Variants in KATNB1 observed in about 807,000 individuals in gnomAD.
KATNB1 encodes the protein katanin regulatory subunit B1, also known as katanin p80 WD40 repeat-containing subunit B1.
A neutral mutation model predicts 82.3 loss-of-function variants in KATNB1; 38 were observed. That is an observed-to-expected ratio of 0.46 (90% CI 0.36 to 0.61). The LOEUF is 0.61. Ranked by LOEUF, KATNB1 falls within the 20% of genes least tolerant of loss-of-function variation. KATNB1 has a pLI of 0.00. For synonymous variants in KATNB1, 361 were observed against 368.7 expected (o/e 0.98, Z 0.24); for missense variants, 749 against 915.7 (o/e 0.82, Z 2.35).
rs1041786828 is a variant in KATNB1, at chr16:57,755,794, A to C, written c.1567-47A>C. The stretch of plus-strand genomic sequence containing the variant: ...CCCCCACCCTCACCCTCACAGGGCC[A>C]CACTGTCCCCCACTGCCCCACCCCT... On this transcript the variant is annotated intron_variant, in intron 16 of 19. Transcript: ENST00000379661. 9 of 1,540,462 alleles carry C rather than the reference A, an allele frequency of 5.8e-6. No individual in the cohort carries two copies. The African/African-American group carries it at 1.1e-4, about 19-fold the overall frequency.
chr16:57,753,443 G>A lies in KATNB1; in HGVS notation c.1101G>A (p.Arg367=). The part of the protein sequence containing the change: ...ERRSPSSEDD[R]DERESRAEIQ... ...GCAGCCCCAGCAGCGAGGATGACCG[G>A]GACGAGCGCGAGTCCCGCGCGGAGA... Residue 367 remains arginine, a synonymous_variant, in exon 12 of 20, where the codon CGG becomes CGA. Transcript: ENST00000379661. The A allele has an allele frequency of 6.2e-7, 1 of 1,613,102 alleles. No homozygotes were observed. Among genetic ancestry groups the A allele is most frequent in the Non-Finnish European group, 8.5e-7 (1 of 1,179,912 alleles).
intron 2 of KATNB1, among the ~76,000 whole-genome samples, chr16:57,739,251 C>T (rs1187882821): frequency 4.6e-5 from 7 of 152,214 alleles, no homozygotes; most frequent in Non-Finnish European, 1.0e-4. Flanking sequence ...TTCATGTGCA[C>T]GGTGGTGTCC....
At position 57,755,159 on chromosome 16, in the gene KATNB1, C is replaced by A. The variant is rs781948981; in HGVS notation, c.1337C>A (p.Pro446His). ...CGGCCCCCAGTGGTTGCTTCCACACCTGCACCCAAGGCTGAGCCTGCCATC... is the reference window on the plus strand; with the variant it reads ...CGGCCCCCAGTGGTTGCTTCCACACATGCACCCAAGGCTGAGCCTGCCATC... ...LPRPPVVAST[P>H]APKAEPAIIP... Residue 446 changes from proline to histidine, a missense_variant, in exon 15 of 20, where the codon CCT becomes CAT. By Grantham distance (77) the Pro-to-His change is moderately conservative. Coordinates refer to ENST00000379661, the MANE Select transcript of KATNB1 (RefSeq NM_005886.3). 1.2e-6 allele frequency: 2 copies of A among 1,612,704 alleles called. No individual in the cohort carries two copies. Among genetic ancestry groups the A allele is most frequent in the Non-Finnish European group, 1.7e-6 (2 of 1,179,904 alleles).
chr16:57,754,838 T>C, intron 13 of KATNB1, 92 bp from the exon 14 acceptor site: 3 of 1,294,058 alleles, frequency 2.3e-6, no homozygotes, highest in Non-Finnish European at 3.3e-6. Flanking sequence ...CATCCCCCCA[T>C]TGCAGATGCT....
chr16:57,741,882 G>A, intron 3 of KATNB1, 65 bp downstream of exon 3: 1 of 1,535,232 alleles, frequency 6.5e-7, no homozygotes, highest in Non-Finnish European at 8.8e-7. Context: ...GACAGGGGTT[G>A]GAGGCTGAAG....
rs2049236047 is a variant in KATNB1 at position 57,752,453 on chromosome 16, A to G, written c.633-77A>G. The G allele has an allele frequency of 2.2e-6, 3 of 1,342,512 alleles. No individual in the cohort carries two copies. In the Admixed American group the frequency reaches 5.9e-5, roughly 27 times the overall value. The allele number at this position is 1,342,512 out of a possible 1,614,324, so 83.2% of individuals were successfully genotyped here. A position where few individuals can be genotyped will look rare whatever the true frequency, so the allele number is the denominator to read the frequency against. On this transcript the variant is annotated intron_variant, in intron 8 of 19. Transcript: ENST00000379661. ...TGCCCTGGGGGAGAGGTTTCTAGAGAAAAGCTGGCTTCCCAGGGACATGTG... is the reference window on the plus strand; with the variant it reads ...TGCCCTGGGGGAGAGGTTTCTAGAGGAAAGCTGGCTTCCCAGGGACATGTG...
chr16:57,753,815 G>T, intron 12 of KATNB1, 130 bp from the exon 13 acceptor site: 1 of 868,192 alleles, frequency 1.2e-6, no homozygotes, highest in Middle Eastern at 3.4e-4. Context: ...CCTGGGACCA[G>T]GAGCAGGGTC....
Position 57,756,361 on chromosome 16 carries a change from T to C in KATNB1, c.1724T>C (p.Val575Ala). Residue 575 changes from valine (V) to alanine (A), a missense_variant, in exon 19 of 20, where the codon GTC becomes GCC. Coordinates refer to ENST00000379661, the MANE Select transcript of KATNB1 (RefSeq NM_005886.3). Reference protein sequence around the residue: ...KLLQSKYESYVQTGCTSLKLI... With the variant: ...KLLQSKYESYAQTGCTSLKLI... ...TCATCCATCTCCCCCTAAAGCTACGTCCAGACGGGCTGCACCTCCCTGAAG... is the reference window on the plus strand; with the variant it reads ...TCATCCATCTCCCCCTAAAGCTACGCCCAGACGGGCTGCACCTCCCTGAAG... 3 of 1,613,798 alleles carry C rather than the reference T, an allele frequency of 1.9e-6. No homozygotes were observed. Among genetic ancestry groups the C allele is most frequent in the South Asian group, 1.1e-5 (1 of 91,032 alleles).
At chr16:57,747,108 C>T (rs1399740556) in intron 4 of KATNB1, among the ~76,000 whole-genome samples, 1 of 152,212 alleles carries the variant, frequency 6.6e-6, no homozygotes, top group Non-Finnish European at 1.5e-5. Flanking sequence ...TCTTGAACTC[C>T]TGACCTCAGG....
chr16:57,755,812 C>T, intron 16 of KATNB1, 29 bp from the exon 17 acceptor site: 1 of 1,561,342 alleles, frequency 6.4e-7, no homozygotes, highest in Non-Finnish European at 8.7e-7. Context: ...CCCCACTGCC[C>T]CACCCCTGAC....
At chr16:57,748,160 T>C (rs7206136) in intron 4 of KATNB1, among the ~76,000 whole-genome samples, 11,864 of 152,152 alleles carry the variant, frequency 0.078, 833 homozygotes, top group Admixed American at 0.17. Flanking sequence ...TGAATCCCGG[T>C]GTCAGGACTC....
chr16:57,742,786 C>T (rs551539674), intron 3 of KATNB1, among the ~76,000 whole-genome samples: 3 of 152,342 alleles, frequency 2.0e-5, no homozygotes, highest in East Asian at 1.9e-4. Context: ...CATCCTCAGC[C>T]ACCTAGATCC....
intron 4 of KATNB1, among the ~76,000 whole-genome samples, 180 bp downstream of exon 4, chr16:57,744,691 T>C (rs2049169978): frequency 6.6e-6 from 1 of 151,872 alleles, no homozygotes; most frequent in Admixed American, 6.6e-5. Flanking sequence ...CATGCACTGC[T>C]GCCTCGTGTG....
Position 57,755,988 on chromosome 16 carries a change from C to G in KATNB1, c.1644-4C>G. ...TGATGGCAGCATGTCCTGGCCTCTC[C>G]TAGCTCCCTGTGGAAGCTGGACCTG... On this transcript the variant is annotated splice_region_variant and splice_polypyrimidine_tract_variant and intron_variant, in intron 17 of 19. Transcript: ENST00000379661. 1.2e-6 allele frequency: 2 copies of G among 1,613,494 alleles called. No homozygotes were observed. The highest frequency in any genetic ancestry group is 1.7e-6 in the Non-Finnish European group (2 of 1,180,014).
chr16:57,751,507 TCAAACTGCTCCAAG>T lies in KATNB1; in HGVS notation c.433-131_433-118del. 2.0e-6 allele frequency: 2 copies of T among 999,884 alleles called. No homozygotes were observed. The highest frequency in any genetic ancestry group is 3.1e-6 in the Non-Finnish European group (2 of 646,190). The allele number at this position is 999,884 out of a possible 1,614,324, so 61.9% of individuals were successfully genotyped here. A position where few individuals can be genotyped will look rare whatever the true frequency, so the allele number is the denominator to read the frequency against. On this transcript the variant is annotated intron_variant, in intron 6 of 19. Transcript: ENST00000379661. The surrounding 1 kb of genome is among the most constrained non-coding windows in gnomAD (Gnocchi z 6.3). ...CATGAATCCCCTAGAGCCACGTTCATCAAACTGCTCCAAGCAGAACCAGGCGGGTAACCAGTGTT... is the reference window on the plus strand; with the variant it reads ...CATGAATCCCCTAGAGCCACGTTCATCAGAACCAGGCGGGTAACCAGTGTT...
intron 9 of KATNB1, 24 bp downstream of exon 9, chr16:57,752,625 G>A (rs782201943): frequency 1.1e-5 from 17 of 1,553,686 alleles, no homozygotes; most frequent in Non-Finnish European, 1.5e-5. Context: ...GGGGTGGGCG[G>A]CCCAGCGCTC....
chr16:57,750,834 C>T lies in KATNB1; in HGVS notation c.297C>T (p.Arg99=), dbSNP rs781918766. 2 of 1,613,978 alleles carry T rather than the reference C, an allele frequency of 1.2e-6. No homozygotes were observed. The highest frequency in any genetic ancestry group is 1.7e-5 in the Admixed American group (1 of 60,024). Residue 99 remains arginine, a synonymous_variant, in exon 5 of 20, where the codon CGC becomes CGT. Transcript: ENST00000379661. ...TGCTTTCCTTCTTGTTAGTTCTTCG[C>T]ACACTCATGGGACACAAAGCCAACA... ...VWDLEAAKIL[R]TLMGHKANIC... is the part of the protein sequence containing the mutation.
Position 57,737,071 on chromosome 16 carries a change from A to C in KATNB1, c.-173A>C, listed in dbSNP as rs1229231202. On this transcript the variant is annotated 5_prime_UTR_variant, in exon 2 of 20. The change abolishes the stop of an existing upstream ORF in the 5' untranslated region. Transcript: ENST00000379661. ...GCTGCTGCTGTTGCTGCTGTGGGTA[A>C]TTTGGAACCACGAGGCACCCCAGGG... 1 of 761,994 alleles carries C rather than the reference A, an allele frequency of 1.3e-6. No homozygotes were observed. The highest frequency in any genetic ancestry group is 2.3e-6 in the Non-Finnish European group (1 of 438,762). 47.2% of individuals were successfully genotyped at this position (761,994 alleles called of 1,614,324 possible).
At chr16:57,750,185 A>G (rs1315105320) in intron 4 of KATNB1, among the ~76,000 whole-genome samples, 1 of 152,148 alleles carries the variant, frequency 6.6e-6, no homozygotes, top group Non-Finnish European at 1.5e-5. Flanking sequence ...GTGCCCTGCA[A>G]ACCATAAGCT....
Sources: gnomAD v4.1 joint callset for allele counts (sites outside exome capture counted in the v4.1 genomes callset) on GRCh38, gnomAD v4.1.1 for gene constraint, Gnocchi (gnomAD v3.1) non-coding constraint, MANE v1.5 for transcripts, NCBI Gene and HGNC (gene_info 2026-07-23, HGNC 2026-07-21) for gene names.